Variants in LRP2 observed in about 807,000 individuals in gnomAD.
LRP2 encodes the protein low-density lipoprotein receptor-related protein 2.
In LRP2, 172 loss-of-function variants were observed where a neutral mutation model predicts 531.0. That is an observed-to-expected ratio of 0.32 (90% CI 0.29 to 0.37). The LOEUF (loss-of-function observed/expected upper bound fraction) is 0.37, where lower values mean the gene tolerates loss of function less well. Ranked by LOEUF, LRP2 falls within the 10% of genes least tolerant of loss-of-function variation. The pLI, the probability that LRP2 is intolerant of heterozygous loss-of-function variation, is 1.00. For missense variants in LRP2, 5,167 were observed against 5,868.3 expected, an observed-to-expected ratio of 0.88 and a Z score of 3.90; for synonymous variants, 1,992 against 2,027.6, an observed-to-expected ratio of 0.98 and a Z score of 0.47.
intron 1 of LRP2, among the ~76,000 whole-genome samples, chr2:169,326,478 G>A (rs1416418239): frequency 1.4e-4 from 21 of 151,284 alleles, no homozygotes; most frequent in African/African-American, 4.8e-4. Flanking sequence ...TTGGCCTCCC[G>A]AGGTGCCGGG....
chr2:169,145,765 G>A lies in LRP2; in HGVS notation c.12970C>T (p.Leu4324Phe). 6.2e-7 allele frequency: 1 copy of A among 1,614,140 alleles called. No homozygotes were observed. The highest frequency in any genetic ancestry group is 1.1e-5 in the South Asian group (1 of 91,086). Residue 4324 changes from leucine to phenylalanine, a missense_variant, in exon 70 of 79, where the codon CTC (leucine) becomes TTC (phenylalanine). Coordinates refer to ENST00000649046, the MANE Select transcript of LRP2 (RefSeq NM_004525.3). ...TGATTACCTGACTTATTGTATCTGA[G>A]TTGATGAAAGATTCGAACTTGAGTG... ...WLTQVRIFHQ[L>F]RYNKSVPNLC...
At position 169,275,257 on chromosome 2, in the gene LRP2, A is replaced by G; in HGVS notation, c.1773-19T>C. 1 of 1,584,242 alleles carries G rather than the reference A, an allele frequency of 6.3e-7. No homozygotes were observed. Among genetic ancestry groups the G allele is most frequent in the Non-Finnish European group, 8.7e-7 (1 of 1,153,580 alleles). On this transcript the variant is annotated intron_variant, in intron 13 of 78. Transcript: ENST00000649046. ...AGTCTTCCTGTTATAAAAGACACAT[A>G]TATATCATACAATTTGTTAGTTTTG...
In LRP2 at chr2:169,362,231, G is replaced by T; in HGVS notation, c.79+90C>A. The T allele has an allele frequency of 4.3e-6, 5 of 1,161,250 alleles. No individual in the cohort carries two copies. The Admixed American group carries it at 9.0e-5, about 21-fold the overall frequency. 71.9% of individuals were successfully genotyped at this position (1,161,250 alleles called of 1,614,324 possible). A position where few individuals can be genotyped will look rare whatever the true frequency, so the allele number is the denominator to read the frequency against. On this transcript the variant is annotated intron_variant, in intron 1 of 78. Coordinates refer to ENST00000649046, the MANE Select transcript of LRP2 (RefSeq NM_004525.3). ...CGCCGCCCGGCCCTAGCCCCTGCCC[G>T]GACGCTCTCCCCTCCGGCCTCCCGC...
At chr2:169,302,891 TAAC>T (rs1446533306) in intron 4 of LRP2, among the ~76,000 whole-genome samples, 4 of 152,112 alleles carry the variant, frequency 2.6e-5, no homozygotes, top group African/African-American at 4.8e-5. Context: ...CTATAAAAAA[TAAC>T]AAGATGATTG....
intron 1 of LRP2, among the ~76,000 whole-genome samples, chr2:169,340,571 C>T (rs1201071944): frequency 6.6e-6 from 1 of 152,140 alleles, no homozygotes; most frequent in Non-Finnish European, 1.5e-5. Context: ...CTCCTTTCTC[C>T]TTCTGCAATC....
chr2:169,177,659 C>T (rs1687249641), intron 53 of LRP2, 144 bp downstream of exon 53: 2 of 788,250 alleles, frequency 2.5e-6, no homozygotes, highest in Non-Finnish European at 4.6e-6. Context: ...TATTTGCCTA[C>T]TGTCAACTTT....
chr2:169,302,743 G>GT (rs71003076), intron 4 of LRP2, among the ~76,000 whole-genome samples: 96,552 of 147,858 alleles, frequency 0.65, 32,038 homozygotes, highest in East Asian at 0.8. Flanking sequence ...AGTGACCTGG[G>GT]TTTTTTTTTT....
At chr2:169,165,423 T>G (rs1250779047) in intron 62 of LRP2, among the ~76,000 whole-genome samples, 4 of 152,214 alleles carry the variant, frequency 2.6e-5, no homozygotes, top group African/African-American at 9.7e-5. Flanking sequence ...AATCTATCAC[T>G]TTTCTCTTCT....
chr2:169,263,379 GA>G (rs1401600966), intron 16 of LRP2, among the ~76,000 whole-genome samples: 1 of 151,414 alleles, frequency 6.6e-6, no homozygotes, highest in Non-Finnish European at 1.5e-5. Context: ...AATCTACAAT[GA>G]ACTCAAACAA....
At chr2:169,168,170 AG>A (rs1300983255) in intron 61 of LRP2, among the ~76,000 whole-genome samples, 1 of 151,202 alleles carries the variant, frequency 6.6e-6, no homozygotes, top group Non-Finnish European at 1.5e-5. Flanking sequence ...GGGTTTGGAG[AG>A]GGTACTTCAG....
At chr2:169,240,767 G>T in intron 25 of LRP2, 1 of 595,252 alleles carries the variant, frequency 1.7e-6, no homozygotes, top group Non-Finnish European at 3.0e-6. Context: ...GACATAAAAA[G>T]AAGTAAAAAC....
intron 16 of LRP2, among the ~76,000 whole-genome samples, chr2:169,266,879 T>G (rs1574199550): frequency 7.8e-6 from 1 of 128,582 alleles, no homozygotes; most frequent in South Asian, 2.6e-4. Context: ...CACACGTTTG[T>G]AACCTTTTTT....
intron 56 of LRP2, among the ~76,000 whole-genome samples, chr2:169,173,555 TCA>T (rs1483515470): frequency 1.3e-5 from 2 of 152,204 alleles, no homozygotes; most frequent in Non-Finnish European, 2.9e-5. Flanking sequence ...AATGTGAACC[TCA>T]GTTTCCTCAT....
At position 169,173,663 on chromosome 2, in the gene LRP2, C is replaced by A. The variant is rs927989162; in HGVS notation, c.11014+256G>T. 7.9e-5 allele frequency among the ~76,000 whole-genome samples: 12 copies of A among 152,278 alleles called. No individual in the cohort carries two copies. In the South Asian group the frequency reaches 2.5e-3, roughly 32 times the overall value. On this transcript the variant is annotated intron_variant, in intron 56 of 78. Transcript: ENST00000649046. ...GCAGTAGATATATAAAATATAAGTT[C>A]TTGGTATCATATTCTGGTTGGTTAG...
chr2:169,333,385 G>A (rs780517005), intron 1 of LRP2, among the ~76,000 whole-genome samples: 15 of 151,520 alleles, frequency 9.9e-5, no homozygotes, highest in Non-Finnish European at 1.5e-5. Context: ...CTCAATAAAC[G>A]AACTATATAT....
chr2:169,327,017 C>T (rs564748376), intron 1 of LRP2, among the ~76,000 whole-genome samples: 4,952 of 150,872 alleles, frequency 0.033, 127 homozygotes, highest in Non-Finnish European at 0.054. Flanking sequence ...CCCCTCCGCC[C>T]GGCAGCCACC....
intron 29 of LRP2, among the ~76,000 whole-genome samples, chr2:169,234,128 A>ATTTTTT (rs1559031772): frequency 1.3e-5 from 2 of 151,910 alleles, no homozygotes; most frequent in Admixed American, 6.5e-5. Context: ...AATTGTTTTT[A>ATTTTTT]ATTTTTTATT....
intron 64 of LRP2, 21 bp downstream of exon 64, chr2:169,157,350 A>G (rs761781977): frequency 1.9e-6 from 3 of 1,612,204 alleles, no homozygotes; most frequent in South Asian, 1.1e-5. Context: ...CTAAACAGGA[A>G]TTGGAAAAAA....
chr2:169,187,349 GGA>G (rs1687670084), intron 49 of LRP2, among the ~76,000 whole-genome samples: 1 of 151,972 alleles, frequency 6.6e-6, no homozygotes, highest in Admixed American at 6.6e-5. Context: ...ATGAACAAGT[GGA>G]ATAAAGAAAA....
Sources: gnomAD v4.1 joint callset for allele counts (sites outside exome capture counted in the v4.1 genomes callset) on GRCh38, gnomAD v4.1.1 for gene constraint, MANE v1.5 for transcripts, NCBI Gene and HGNC (gene_info 2026-07-23, HGNC 2026-07-21) for gene names.